The following AGMO variants were observed in gnomAD, a reference collection of about 807,000 sequenced individuals.
AGMO encodes alkylglycerol monooxygenase, also known as glyceryl-ether monooxygenase.
A neutral mutation model predicts 60.2 loss-of-function variants in AGMO; 75 were observed. That is an observed-to-expected ratio of 1.25 (90% CI 1.03 to 1.51). The LOEUF is 1.51. Among genes scored for constraint, AGMO ranks in the 40% most tolerant of loss-of-function variants. AGMO has a pLI of 0.00. For synonymous variants in AGMO, 261 were observed against 177.1 expected, an observed-to-expected ratio of 1.47 and a Z score of -3.76; for missense variants, 763 against 525.5, an observed-to-expected ratio of 1.45 and a Z score of -4.42.
intron 12 of AGMO, among the ~76,000 whole-genome samples, chr7:15,353,103 G>A (rs1782319888): frequency 6.6e-6 from 1 of 152,070 alleles, no homozygotes; most frequent in East Asian, 1.9e-4. Context: ...GGTGGGAAGG[G>A]GGCAGGGTTC....
the AGMO span, among the ~76,000 whole-genome samples, chr7:15,171,131 G>A: frequency 4.6e-5 from 7 of 151,962 alleles, no homozygotes; most frequent in East Asian, 5.8e-4. Flanking sequence ...GCAGGCGCCC[G>A]CCACCACGCC....
chr7:15,436,170 A>T (rs1218476553), intron 3 of AGMO, among the ~76,000 whole-genome samples: 1 of 152,204 alleles, frequency 6.6e-6, no homozygotes, highest in Non-Finnish European at 1.5e-5. Context: ...AACATTTAGC[A>T]TATTGTACGA....
chr7:15,312,225 T>C (rs910908689), intron 12 of AGMO, among the ~76,000 whole-genome samples: 12 of 152,112 alleles, frequency 7.9e-5, no homozygotes, highest in African/African-American at 2.9e-4. Context: ...AAGCTGGAAG[T>C]CTTCTAGGAC....
At position 15,201,227 on chromosome 7, in the gene AGMO, A is replaced by C; in HGVS notation, c.*58T>G. ...ATAAAATAATTACATTTTAATATGC[A>C]GTCATAATATGCGTGTGGACAACTC... is the stretch of plus-strand genomic sequence containing the variant. On this transcript the variant is annotated 3_prime_UTR_variant, in exon 13 of 13. Coordinates refer to ENST00000342526, the MANE Select transcript of AGMO (RefSeq NM_001004320.2). The C allele has an allele frequency of 1.9e-6, 2 of 1,049,056 alleles. No homozygotes were observed. The highest frequency in any genetic ancestry group is 2.8e-6 in the Non-Finnish European group (2 of 718,170). The allele number at this position is 1,049,056 out of a possible 1,614,324, so 65.0% of individuals were successfully genotyped here. A position where few individuals can be genotyped will look rare whatever the true frequency, so the allele number is the denominator to read the frequency against.
chr7:15,235,994 G>C (rs1481032305), intron 12 of AGMO, among the ~76,000 whole-genome samples: 1 of 152,056 alleles, frequency 6.6e-6, no homozygotes, highest in Admixed American at 6.6e-5. Context: ...ATTATTATTA[G>C]TGGATGGGAC....
chr7:15,294,056 A>C (rs1482438862), intron 12 of AGMO, among the ~76,000 whole-genome samples: 1 of 152,158 alleles, frequency 6.6e-6, no homozygotes, highest in Non-Finnish European at 1.5e-5. Flanking sequence ...ATTTACATTT[A>C]ATGAATAATT....
At chr7:15,332,650 G>T (rs996031910) in intron 12 of AGMO, among the ~76,000 whole-genome samples, 20 of 151,974 alleles carry the variant, frequency 1.3e-4, no homozygotes, top group Non-Finnish European at 2.8e-4. Context: ...TATATTCTAA[G>T]AATAATTAAT....
intron 2 of AGMO, among the ~76,000 whole-genome samples, chr7:15,553,120 A>G (rs1785018886): frequency 6.7e-6 from 1 of 149,294 alleles, no homozygotes; most frequent in African/African-American, 2.5e-5. Flanking sequence ...GAATTGAACA[A>G]TGAGATCACA....
the AGMO span, among the ~76,000 whole-genome samples, chr7:15,164,931 C>A: frequency 3.8e-3 from 575 of 152,198 alleles, 6 homozygotes; most frequent in Admixed American, 0.011. Context: ...AAGTCACCTG[C>A]ACTAATATGT....
At chr7:15,519,639 A>G (rs2128534768) in intron 3 of AGMO, among the ~76,000 whole-genome samples, 1 of 152,304 alleles carries the variant, frequency 6.6e-6, no homozygotes, top group African/African-American at 2.4e-5. Flanking sequence ...CCTGCCTTAC[A>G]AGAGCTCCTG....
chr7:15,172,483 C>T, the AGMO span, among the ~76,000 whole-genome samples: 1 of 152,164 alleles, frequency 6.6e-6, no homozygotes, highest in Non-Finnish European at 1.5e-5. Flanking sequence ...ATTCAGTAAT[C>T]ATGCCTAGAT....
At chr7:15,451,113 T>C (rs1781844951) in intron 3 of AGMO, among the ~76,000 whole-genome samples, 1 of 152,130 alleles carries the variant, frequency 6.6e-6, no homozygotes, top group South Asian at 2.1e-4. Context: ...TCCTTTCATC[T>C]CTTTCATCCA....
intron 12 of AGMO, among the ~76,000 whole-genome samples, chr7:15,300,879 G>A (rs1056152141): frequency 6.6e-6 from 1 of 152,056 alleles, no homozygotes; most frequent in African/African-American, 2.4e-5. Context: ...TTTTTCCTAG[G>A]ATTAATCTCC....
At chr7:15,366,256 T>A in intron 10 of AGMO, 34 bp from the exon 11 acceptor site, 1 of 1,524,394 alleles carries the variant, frequency 6.6e-7, no homozygotes, top group Non-Finnish European at 9.0e-7. Flanking sequence ...ATGGAGCCGT[T>A]AGAAGAATTG....
Position 15,387,534 on chromosome 7 carries a change from G to T in AGMO, c.829C>A (p.His277Asn). The change falls in exon 9 of 13, where the codon CAC becomes AAC. Residue 277 changes from histidine to asparagine, a missense_variant. By Grantham distance (68) the His-to-Asn change is moderately conservative. Transcript: ENST00000342526. The stretch of plus-strand genomic sequence containing the variant: ...AATGTAGTCCATATGGAAAATAAGT[G>T]ATGGAACTAGAAACAATAAAAAAAG... ...TFEPIKVQFHHLFSIWTTFWA... is the reference protein window; with the variant it reads ...TFEPIKVQFHNLFSIWTTFWA... The T allele has an allele frequency of 6.2e-7, 1 of 1,604,916 alleles. No homozygotes were observed. Among genetic ancestry groups the T allele is most frequent in the Non-Finnish European group, 8.5e-7 (1 of 1,178,104 alleles).
chr7:15,337,868 T>C (rs1362453706), intron 12 of AGMO, among the ~76,000 whole-genome samples: 1 of 152,166 alleles, frequency 6.6e-6, no homozygotes, highest in African/African-American at 2.4e-5. Context: ...CAACTGTGAC[T>C]AGCAAAAGGA....
intron 3 of AGMO, among the ~76,000 whole-genome samples, chr7:15,432,355 T>TAC (rs958088771): frequency 3.8e-5 from 4 of 104,442 alleles, no homozygotes; most frequent in Non-Finnish European, 8.6e-5. Context: ...TACATACATA[T>TAC]ATATATACAC....
At chr7:15,279,858 G>T (rs1298798096) in intron 12 of AGMO, among the ~76,000 whole-genome samples, 2 of 152,162 alleles carry the variant, frequency 1.3e-5, no homozygotes, top group Non-Finnish European at 2.9e-5. Context: ...AGAGAGCACT[G>T]GGGAATATCA....
At chr7:15,459,599 T>TGTGTGTTTGTGTGTGTGTG (rs1554274867) in intron 3 of AGMO, among the ~76,000 whole-genome samples, 92 of 142,230 alleles carry the variant, frequency 6.5e-4, no homozygotes, top group Non-Finnish European at 1.2e-3. Context: ...GTATGTGCGT[T>TGTGTGTTTGTGTGTGTGTG]TGTGTGTGTG....
Sources: allele counts gnomAD v4.1 joint callset (sites outside exome capture counted in the v4.1 genomes callset), GRCh38; gene constraint gnomAD v4.1.1; transcripts MANE v1.5; gene names NCBI Gene and HGNC (gene_info 2026-07-23, HGNC 2026-07-21).